Variants in ANK2 observed in about 807,000 individuals in gnomAD.
ANK2 encodes the protein ankyrin-2.
A neutral mutation model predicts 360.5 loss-of-function variants in ANK2; 83 were observed. That is an observed-to-expected ratio of 0.23 (90% confidence interval 0.19 to 0.28). ANK2 has a LOEUF of 0.28. ANK2 is among the 10% of genes least tolerant of loss of function. ANK2 has a pLI of 1.00. For synonymous variants in ANK2, 1,740 were observed against 1,759.5 expected (o/e 0.99, Z 0.28); for missense variants, 4,201 against 4,795.7 (o/e 0.88, Z 3.66).
intron 1 of ANK2, among the ~76,000 whole-genome samples, chr4:112,851,841 C>T (rs934593272): frequency 1.3e-5 from 2 of 152,144 alleles, no homozygotes; most frequent in South Asian, 4.1e-4. Context: ...TTAGGGTGAT[C>T]TCGAACTGCT....
At chr4:112,771,144 C>T in the ANK2 span, among the ~76,000 whole-genome samples, 1 of 152,148 alleles carries the variant, frequency 6.6e-6, no homozygotes, top group Non-Finnish European at 1.5e-5. Context: ...TGGAGTTTCA[C>T]TCTTGTTGCC....
At chr4:113,311,737 G>C (rs1279164546) in intron 24 of ANK2, among the ~76,000 whole-genome samples, 1 of 152,098 alleles carries the variant, frequency 6.6e-6, no homozygotes, top group Admixed American at 6.5e-5. Flanking sequence ...TTGCCTTATA[G>C]ACATTCTTAC....
At chr4:113,124,621 AT>A (rs2095555192) in intron 1 of ANK2, among the ~76,000 whole-genome samples, 1 of 152,160 alleles carries the variant, frequency 6.6e-6, no homozygotes, top group Non-Finnish European at 1.5e-5. Flanking sequence ...GGATTCTGAA[AT>A]GTACTTTTTA....
chr4:113,196,637 C>A (rs888003376), intron 3 of ANK2, among the ~76,000 whole-genome samples, 171 bp downstream of exon 3: 1 of 152,154 alleles, frequency 6.6e-6, no homozygotes, highest in Admixed American at 6.5e-5. Context: ...AAGTGACCCT[C>A]CCAACTCAGC....
chr4:112,789,814 A>T, the ANK2 span, among the ~76,000 whole-genome samples: 1 of 152,246 alleles, frequency 6.6e-6, no homozygotes, highest in Non-Finnish European at 1.5e-5. Context: ...AAGGTGGAAG[A>T]CTTGAAGGCA....
At chr4:113,241,426 C>T (rs766622991) in intron 8 of ANK2, among the ~76,000 whole-genome samples, 6 of 152,164 alleles carry the variant, frequency 3.9e-5, no homozygotes, top group Admixed American at 6.6e-5. Context: ...AAGCCCTGAA[C>T]TCATGGGCTC....
At chr4:113,352,331 G>T (rs1445751514) in intron 37 of ANK2, among the ~76,000 whole-genome samples, 9 of 152,136 alleles carry the variant, frequency 5.9e-5, no homozygotes, top group African/African-American at 2.2e-4. Context: ...TCCTTGGTCT[G>T]TCCATTCTGT....
chr4:113,017,942 G>T (rs2057072080), intron 2 of ANK2, among the ~76,000 whole-genome samples: 2 of 152,156 alleles, frequency 1.3e-5, no homozygotes, highest in Admixed American at 1.3e-4. Context: ...GATGTGGTGG[G>T]TATAAGAGCA....
chr4:113,299,999 C>A (rs1476655966), intron 22 of ANK2, among the ~76,000 whole-genome samples: 3 of 151,752 alleles, frequency 2.0e-5, no homozygotes, highest in Non-Finnish European at 2.9e-5. Flanking sequence ...TAGTTGAATA[C>A]CACTAATACA....
At chr4:112,914,550 A>G (rs907352648) in intron 2 of ANK2, among the ~76,000 whole-genome samples, 10 of 152,150 alleles carry the variant, frequency 6.6e-5, no homozygotes, top group Admixed American at 5.2e-4. Flanking sequence ...TTGAACCCAG[A>G]GGAGGATGGC....
chr4:113,003,637 A>G (rs2051624397), intron 2 of ANK2, among the ~76,000 whole-genome samples: 1 of 152,224 alleles, frequency 6.6e-6, no homozygotes, highest in African/African-American at 2.4e-5. Flanking sequence ...TGTAGAGACC[A>G]ATAATTGGTG....
In ANK2 at chr4:113,281,320, T is replaced by C. The variant is rs547754360; in HGVS notation, c.1882-1355T>C. Among the ~76,000 whole-genome samples, 6 of 152,186 alleles carry C rather than the reference T, an allele frequency of 3.9e-5. No individual in the cohort carries two copies. In the South Asian group the frequency reaches 1.2e-3, roughly 32 times the overall value. Reference sequence around the variant, plus strand: ...TAGGGGGCCAAGGTGGGCAGATCGCTTGAGCTCATGAGTTTGAGACCAGCC... The same window carrying C: ...TAGGGGGCCAAGGTGGGCAGATCGCCTGAGCTCATGAGTTTGAGACCAGCC... On this transcript the variant is annotated intron_variant, in intron 17 of 45. Transcript: ENST00000357077.
At chr4:113,308,155 C>G (rs2078145955) in intron 23 of ANK2, among the ~76,000 whole-genome samples, 1 of 152,064 alleles carries the variant, frequency 6.6e-6, no homozygotes, top group Non-Finnish European at 1.5e-5. Context: ...AAATTCTTTC[C>G]AAGTCTAATG....
At chr4:113,124,993 T>C (rs1003809045) in intron 1 of ANK2, among the ~76,000 whole-genome samples, 2 of 152,070 alleles carry the variant, frequency 1.3e-5, no homozygotes, top group Non-Finnish European at 2.9e-5. Context: ...GATATGACAA[T>C]CATTATAAAC....
intron 1 of ANK2, among the ~76,000 whole-genome samples, chr4:113,157,889 A>C (rs2097362163): frequency 6.6e-6 from 1 of 152,218 alleles, no homozygotes; most frequent in South Asian, 2.1e-4. Flanking sequence ...TGGTTTTCTC[A>C]TTTGGGAAGC....
At chr4:113,373,588 C>A (rs191691024) in intron 45 of ANK2, 139 bp downstream of exon 45, 1 of 923,360 alleles carries the variant, frequency 1.1e-6, no homozygotes, top group South Asian at 1.3e-5. Context: ...TGCACATTCA[C>A]CTTTTTGTTT....
intron 29 of ANK2, among the ~76,000 whole-genome samples, chr4:113,333,696 C>G (rs1317398817): frequency 3.9e-5 from 6 of 152,132 alleles, no homozygotes; most frequent in Non-Finnish European, 7.4e-5. Flanking sequence ...TTATAGAATA[C>G]TATAATTTTT....
Position 113,355,498 on chromosome 4 carries a change from G to A in ANK2, c.6880G>A (p.Ala2294Thr), listed in dbSNP as rs2095696591. ...TACTGGTGGCTCTGAAGAGCGAGGT[G>A]CCACAGTCACTGAGGACTCAGAGAC... ...DITGGSEERG[A>T]TVTEDSETST... The change falls in exon 38 of 46, where the codon GCC (alanine) becomes ACC (threonine). Residue 2294 changes from alanine (A) to threonine (T), a missense_variant. Physicochemically the swap from Ala to Thr is moderately conservative, Grantham distance 58 (BLOSUM62 0). Transcript: ENST00000357077. 6.2e-7 allele frequency: 1 copy of A among 1,614,056 alleles called. No homozygotes were observed. Among genetic ancestry groups the A allele is most frequent in the Admixed American group, 1.7e-5 (1 of 60,018 alleles).
At chr4:112,743,393 T>C in the ANK2 span, among the ~76,000 whole-genome samples, 1 of 152,028 alleles carries the variant, frequency 6.6e-6, no homozygotes, top group Non-Finnish European at 1.5e-5. Flanking sequence ...CTTTTATAGT[T>C]CTCTCCTCTA....
Sources: gnomAD v4.1 joint callset for allele counts (sites outside exome capture counted in the v4.1 genomes callset) on GRCh38, gnomAD v4.1.1 for gene constraint, MANE v1.5 for transcripts, NCBI Gene and HGNC (gene_info 2026-07-23, HGNC 2026-07-21) for gene names.